The following BRSK2 variants were observed in gnomAD, a reference collection of about 807,000 sequenced individuals.
BRSK2 encodes the protein BR serine/threonine kinase 2, also known as serine/threonine-protein kinase BRSK2.
Under a neutral mutation model 83.3 loss-of-function variants are expected in BRSK2, and 19 were observed. The ratio of observed to expected loss-of-function variants is 0.23; its 90% CI spans 0.16 to 0.33. BRSK2 has a LOEUF of 0.33. Ranked by LOEUF, BRSK2 falls within the 10% of genes least tolerant of loss-of-function variation. The pLI, the probability that BRSK2 is intolerant of heterozygous loss-of-function variation, is 1.00. For missense variants in BRSK2, 798 were observed against 1,042.3 expected (o/e 0.77, Z 3.23); for synonymous variants, 519 against 435.4 (o/e 1.19, Z -2.39).
Position 1,438,293 on chromosome 11 carries a change from C to G in BRSK2, c.187-13C>G. On this transcript the variant is annotated splice_polypyrimidine_tract_variant and intron_variant, in intron 2 of 19. Transcript: ENST00000528841. This position sits in a 1 kb window ranked among gnomAD's most constrained non-coding sequence, Gnocchi z 6.4. ...CCCTGTGAGCGTGATGTTCTCTGGC[C>G]TCTCCCATGCAGGTGGAGCGGGAGA... is the stretch of plus-strand genomic sequence containing the variant. The G allele has an allele frequency of 6.2e-7, 1 of 1,612,632 alleles. No homozygotes were observed.
At chr11:1,411,268 C>T (rs748213331) in intron 1 of BRSK2, 55 of 1,307,910 alleles carry the variant, frequency 4.2e-5, no homozygotes, top group Middle Eastern at 2.8e-4. Context: ...TGGGCCAGAT[C>T]AGCAGGAAAG....
At chr11:1,452,153 T>C (rs1411356546) in intron 15 of BRSK2, among the ~76,000 whole-genome samples, 1 of 152,172 alleles carries the variant, frequency 6.6e-6, no homozygotes, top group African/African-American at 2.4e-5. Flanking sequence ...AATGAAGATG[T>C]GGCCAGCTGT....
chr11:1,427,315 G>A (rs1046774202), intron 1 of BRSK2, among the ~76,000 whole-genome samples: 1 of 152,158 alleles, frequency 6.6e-6, no homozygotes, highest in East Asian at 1.9e-4. Flanking sequence ...GGCAGGAGAA[G>A]GCCCCTCACT....
At position 1,461,634 on chromosome 11, in the gene BRSK2, G is replaced by GC. The variant is rs1847511437; in HGVS notation, c.*911_*912insC. ...CTGCCGTCTGCGTGTCTCAGGCAGT[G>GC]GGGGGGCTGGGGCCAGGGCGCCCTC... On this transcript the variant is annotated 3_prime_UTR_variant, in exon 20 of 20. Transcript: ENST00000528841. 1 of 152,450 alleles carries GC rather than the reference G, an allele frequency of 6.6e-6. No individual in the cohort carries two copies. The highest frequency in any genetic ancestry group is 2.4e-5 in the African/African-American group (1 of 41,440). The allele number at this position is 152,450 out of a possible 1,614,324, so 9.4% of individuals were successfully genotyped here. A position where few individuals can be genotyped will look rare whatever the true frequency, so the allele number is the denominator to read the frequency against.
intron 1 of BRSK2, chr11:1,410,619 A>G (rs1434341862): frequency 4.1e-6 from 4 of 985,100 alleles, no homozygotes; most frequent in Non-Finnish European, 4.8e-6. Context: ...CAGGGCTCAC[A>G]CTGTGTCTTT....
intron 1 of BRSK2, among the ~76,000 whole-genome samples, chr11:1,401,449 C>T (rs372920607): frequency 1.1e-4 from 17 of 152,358 alleles, no homozygotes; most frequent in East Asian, 9.6e-4. Flanking sequence ...CCTTCCTGCA[C>T]GGTCCAGGGT....
At chr11:1,404,222 A>T (rs1330307191) in intron 1 of BRSK2, among the ~76,000 whole-genome samples, 1 of 152,080 alleles carries the variant, frequency 6.6e-6, no homozygotes, top group South Asian at 2.1e-4. Flanking sequence ...GCTGCCCGCA[A>T]TCTGGGTGCG....
chr11:1,434,998 G>T (rs951082052), intron 1 of BRSK2, among the ~76,000 whole-genome samples: 1 of 151,684 alleles, frequency 6.6e-6, no homozygotes, highest in Non-Finnish European at 1.5e-5. Flanking sequence ...AAGGGAGGGT[G>T]GGCCGAGGCG....
chr11:1,458,924 C>T (rs1847017215), intron 18 of BRSK2, among the ~76,000 whole-genome samples: 1 of 152,174 alleles, frequency 6.6e-6, no homozygotes, highest in Non-Finnish European at 1.5e-5. Context: ...CAGGCTCAGG[C>T]TGCTGGAGGT....
At chr11:1,413,214 C>T (rs61868963) in intron 1 of BRSK2, among the ~76,000 whole-genome samples, 60,796 of 151,966 alleles carry the variant, frequency 0.4, 12,866 homozygotes, top group Non-Finnish European at 0.46. Flanking sequence ...GCCTCCCAGA[C>T]GGCCCCTGGG....
chr11:1,424,200 C>T (rs544451012), intron 1 of BRSK2, among the ~76,000 whole-genome samples: 6 of 152,350 alleles, frequency 3.9e-5, no homozygotes, highest in Admixed American at 6.5e-5. Flanking sequence ...GGAACTGCTC[C>T]GTGAGCCCCG....
At chr11:1,409,077 TG>T (rs1243602641) in intron 1 of BRSK2, among the ~76,000 whole-genome samples, 1 of 152,046 alleles carries the variant, frequency 6.6e-6, no homozygotes, top group African/African-American at 2.4e-5. Context: ...TGTGTGTGCC[TG>T]TGTAAGGGTG....
chr11:1,425,467 T>C (rs1849105431), intron 1 of BRSK2, among the ~76,000 whole-genome samples: 1 of 152,002 alleles, frequency 6.6e-6, no homozygotes, highest in South Asian at 2.1e-4. Flanking sequence ...GAGGTGCGGG[T>C]TGGTGACAGC....
intron 14 of BRSK2, 88 bp from the exon 15 acceptor site, chr11:1,451,283 T>G: frequency 6.7e-7 from 1 of 1,491,688 alleles, no homozygotes; most frequent in Non-Finnish European, 9.3e-7. Flanking sequence ...GGACTCCTGA[T>G]GACCCTGACC....
intron 12 of BRSK2, among the ~76,000 whole-genome samples, 176 bp from the exon 13 acceptor site, chr11:1,449,600 G>C (rs956544997): frequency 2.6e-5 from 4 of 152,160 alleles, no homozygotes; most frequent in African/African-American, 9.7e-5. Flanking sequence ...GCTGGGCACA[G>C]CCAGGCGCCC....
In BRSK2 at chr11:1,462,534, G is replaced by A. The variant is rs960423315; in HGVS notation, c.*1811G>A. On this transcript the variant is annotated 3_prime_UTR_variant, in exon 20 of 20. Coordinates refer to ENST00000528841, the MANE Select transcript of BRSK2 (RefSeq NM_001256627.2). Reference sequence around the variant, plus strand: ...GGCTCTCCACGGAGATCGAGGACACGAAGCAAACTGCCTCTTGCTTGCCTT... The same window carrying A: ...GGCTCTCCACGGAGATCGAGGACACAAAGCAAACTGCCTCTTGCTTGCCTT... 3 of 152,294 alleles carry A rather than the reference G, an allele frequency of 2.0e-5. No individual in the cohort carries two copies. The highest frequency in any genetic ancestry group is 1.9e-4 in the East Asian group (1 of 5,192). The allele number at this position is 152,294 out of a possible 1,614,324, so 9.4% of individuals were successfully genotyped here. A position where few individuals can be genotyped will look rare whatever the true frequency, so the allele number is the denominator to read the frequency against.
intron 16 of BRSK2, 82 bp from the exon 17 acceptor site, chr11:1,456,266 G>A: frequency 7.3e-7 from 1 of 1,377,632 alleles, no homozygotes; most frequent in Non-Finnish European, 9.7e-7. Context: ...CGGTGGGGCT[G>A]GCTCGCCCCA....
chr11:1,454,357 T>C lies in BRSK2; in HGVS notation c.1545-128T>C, dbSNP rs540954291. The C allele has an allele frequency of 2.6e-6, 3 of 1,149,382 alleles. No homozygotes were observed. Among genetic ancestry groups the C allele is most frequent in the African/African-American group, 1.5e-5 (1 of 65,982 alleles). The allele number at this position is 1,149,382 out of a possible 1,614,324, so 71.2% of individuals were successfully genotyped here. A position where few individuals can be genotyped will look rare whatever the true frequency, so the allele number is the denominator to read the frequency against. On this transcript the variant is annotated intron_variant, in intron 15 of 19. Coordinates refer to ENST00000528841, the MANE Select transcript of BRSK2 (RefSeq NM_001256627.2). The surrounding 1 kb of genome is among the most constrained non-coding windows in gnomAD (Gnocchi z 5.2). ...CAGGGCCATGGGTTCTGGCTAGCAC[T>C]GTGGAGACAGCCGTTTCTATCACGA... is the stretch of plus-strand genomic sequence containing the variant.
Position 1,450,758 on chromosome 11 carries a change from C to T in BRSK2, c.1459C>T (p.Leu487=), listed in dbSNP as rs1271178269. Residue 487 remains leucine, a synonymous_variant, in exon 14 of 20, where the codon CTG becomes TTG. Transcript: ENST00000528841. ...ARLNSIKNSF[L]GSPRFHRRKL... is the part of the protein sequence containing the mutation. ...GCTCAACTCCATCAAGAACAGCTTT[C>T]TGGGCTCACCCCGCTTCCACCGCCG... The T allele has an allele frequency of 6.3e-7, 1 of 1,598,162 alleles. No homozygotes were observed. The highest frequency in any genetic ancestry group is 8.5e-7 in the Non-Finnish European group (1 of 1,174,498).
Sources: gnomAD v4.1 joint callset for allele counts (sites outside exome capture counted in the v4.1 genomes callset) on GRCh38, gnomAD v4.1.1 for gene constraint, Gnocchi (gnomAD v3.1) non-coding constraint, MANE v1.5 for transcripts, NCBI Gene and HGNC (gene_info 2026-07-23, HGNC 2026-07-21) for gene names.